The following FNDC3B variants were observed in gnomAD, a reference collection of about 807,000 sequenced individuals.
The protein encoded by FNDC3B is fibronectin type III domain containing 3B.
Under a neutral mutation model 151.5 loss-of-function variants are expected in FNDC3B, and 12 were observed. That is an observed-to-expected ratio of 0.08 (90% CI 0.05 to 0.13). The LOEUF (loss-of-function observed/expected upper bound fraction) is 0.13, where lower values mean the gene tolerates loss of function less well. Among genes scored for constraint, FNDC3B ranks in the 10% least tolerant of loss-of-function variants. The probability of loss-of-function intolerance (pLI) is 1.00; values close to 1 mark genes in which losing one functional copy is unlikely to be tolerated. For missense variants in FNDC3B, 1,214 were observed against 1,505.3 expected, an observed-to-expected ratio of 0.81 and a Z score of 3.20; for synonymous variants, 528 against 549.0, an observed-to-expected ratio of 0.96 and a Z score of 0.54.
chr3:172,363,148 T>G (rs1016574133), intron 23 of FNDC3B, among the ~76,000 whole-genome samples: 2 of 152,154 alleles, frequency 1.3e-5, no homozygotes, highest in Non-Finnish European at 2.9e-5. Context: ...AAGTTCACAC[T>G]ATGTAATAGC....
At chr3:172,078,947 A>C (rs972410857) in intron 1 of FNDC3B, among the ~76,000 whole-genome samples, 3 of 152,220 alleles carry the variant, frequency 2.0e-5, no homozygotes. Context: ...TACAGGTAAT[A>C]AAGAACACAC....
At chr3:172,281,999 CTG>C (rs1411192296) in intron 6 of FNDC3B, among the ~76,000 whole-genome samples, 1 of 152,130 alleles carries the variant, frequency 6.6e-6, no homozygotes, top group Non-Finnish European at 1.5e-5. Context: ...GGCTCTGAAA[CTG>C]TTTTATGGAA....
At chr3:172,223,647 C>T (rs983254956) in intron 3 of FNDC3B, among the ~76,000 whole-genome samples, 2 of 152,190 alleles carry the variant, frequency 1.3e-5, no homozygotes, top group Non-Finnish European at 2.9e-5. Context: ...TGTTCACACT[C>T]TGTACTGTGA....
chr3:172,329,366 A>T (rs1464414336), intron 12 of FNDC3B: 1 of 324,126 alleles, frequency 3.1e-6, no homozygotes, highest in Non-Finnish European at 5.6e-6. Context: ...TTGGAGCTTT[A>T]ATTTTTTAGA....
At chr3:172,220,936 A>G (rs1231492752) in intron 3 of FNDC3B, among the ~76,000 whole-genome samples, 3 of 146,008 alleles carry the variant, frequency 2.1e-5, no homozygotes, top group Non-Finnish European at 4.6e-5. Flanking sequence ...TTAAAAAAAA[A>G]TAAATAAATC....
chr3:172,117,742 T>G (rs2108548622), intron 2 of FNDC3B, among the ~76,000 whole-genome samples: 1 of 152,362 alleles, frequency 6.6e-6, no homozygotes, highest in Non-Finnish European at 1.5e-5. Flanking sequence ...TAGATACCTC[T>G]TTGACCTGAC....
intron 2 of FNDC3B, among the ~76,000 whole-genome samples, chr3:172,122,561 T>C (rs1245611389): frequency 1.3e-5 from 2 of 152,232 alleles, no homozygotes; most frequent in African/African-American, 4.8e-5. Flanking sequence ...CCTACATTGG[T>C]ATTTCTTCCC....
chr3:172,289,715 C>T (rs1455119862), intron 7 of FNDC3B, among the ~76,000 whole-genome samples: 3 of 152,156 alleles, frequency 2.0e-5, no homozygotes, highest in African/African-American at 7.2e-5. Context: ...GGGTTCTGGC[C>T]GGGGGCACAA....
intron 1 of FNDC3B, among the ~76,000 whole-genome samples, chr3:172,041,043 C>A (rs1716020544): frequency 6.6e-6 from 1 of 152,204 alleles, no homozygotes; most frequent in Non-Finnish European, 1.5e-5. Context: ...AAAGTTATAA[C>A]TTTTTGTTTT....
chr3:172,258,809 T>G (rs758801496), intron 6 of FNDC3B, among the ~76,000 whole-genome samples: 25 of 152,356 alleles, frequency 1.6e-4, no homozygotes, highest in Non-Finnish European at 3.5e-4. Flanking sequence ...ATAATGCTTG[T>G]GCTTTTCTGT....
intron 3 of FNDC3B, among the ~76,000 whole-genome samples, chr3:172,224,624 G>A (rs2108737397): frequency 6.6e-6 from 1 of 152,248 alleles, no homozygotes; most frequent in East Asian, 1.9e-4. Flanking sequence ...CTGTGAAGTG[G>A]TCATAACGCT....
At chr3:172,068,036 G>T (rs1576832886) in intron 1 of FNDC3B, among the ~76,000 whole-genome samples, 1 of 152,186 alleles carries the variant, frequency 6.6e-6, no homozygotes, top group South Asian at 2.1e-4. Flanking sequence ...CAGGGCGACT[G>T]CCTTGCTTTC....
At chr3:172,257,385 G>A (rs756282755) in intron 6 of FNDC3B, among the ~76,000 whole-genome samples, 14 of 152,090 alleles carry the variant, frequency 9.2e-5, no homozygotes, top group Non-Finnish European at 1.8e-4. Context: ...TGGACTGTGT[G>A]ACATAGAACA....
chr3:172,207,293 TAGAAAC>T (rs1725482228), intron 3 of FNDC3B, among the ~76,000 whole-genome samples: 1 of 152,184 alleles, frequency 6.6e-6, no homozygotes, highest in South Asian at 2.1e-4. Flanking sequence ...TACTCAAAAT[TAGAAAC>T]AGAAATACCT....
At chr3:172,144,757 T>C (rs1721813688) in intron 3 of FNDC3B, among the ~76,000 whole-genome samples, 1 of 152,186 alleles carries the variant, frequency 6.6e-6, no homozygotes, top group African/African-American at 2.4e-5. Flanking sequence ...AACTTGGGTA[T>C]TTCCTCTCTG....
At chr3:172,045,790 C>A (rs34804979) in intron 1 of FNDC3B, among the ~76,000 whole-genome samples, 52,635 of 137,246 alleles carry the variant, frequency 0.38, 9,456 homozygotes, top group Middle Eastern at 0.48. Flanking sequence ...CTCTCTCTCT[C>A]TCTCTATATA....
At position 172,267,591 on chromosome 3, in the gene FNDC3B, G is replaced by A. The variant is rs180943594; in HGVS notation, c.790+16050G>A. 4.6e-5 allele frequency among the ~76,000 whole-genome samples: 7 copies of A among 152,196 alleles called. No individual in the cohort carries two copies. The East Asian group carries it at 1.4e-3, about 29-fold the overall frequency. On this transcript the variant is annotated intron_variant, in intron 6 of 25. Transcript: ENST00000415807. ...TAAAATGGCGGCTGTGTATTTTCAG[G>A]GCATATTTAATAGTTAAATATCAGA... is the stretch of plus-strand genomic sequence containing the variant.
intron 3 of FNDC3B, among the ~76,000 whole-genome samples, chr3:172,162,782 A>T (rs1347076576): frequency 6.6e-6 from 1 of 151,834 alleles, no homozygotes; most frequent in South Asian, 2.1e-4. Context: ...ATGGTTAGCT[A>T]TGATATGGCT....
chr3:172,369,411 T>A (rs1486625526), intron 23 of FNDC3B, among the ~76,000 whole-genome samples: 6 of 152,324 alleles, frequency 3.9e-5, no homozygotes, highest in Middle Eastern at 3.4e-3. Context: ...ATCCTTTTTT[T>A]AAATATAAAT....
Sources: gnomAD v4.1 joint callset for allele counts (sites outside exome capture counted in the v4.1 genomes callset) on GRCh38, gnomAD v4.1.1 for gene constraint, MANE v1.5 for transcripts, NCBI Gene and HGNC (gene_info 2026-07-23, HGNC 2026-07-21) for gene names.